MGAT4C: variants seen among roughly 807,000 people sequenced by gnomAD.
MGAT4C encodes the protein MGAT4 family member C, also known as alpha-1,3-mannosyl-glycoprotein 4-beta-N-acetylglucosaminyltransferase C.
A neutral mutation model predicts 40.1 loss-of-function variants in MGAT4C; 19 were observed. That is an observed-to-expected ratio of 0.47 (90% CI 0.33 to 0.70). The LOEUF is 0.70. Ranked by LOEUF, MGAT4C falls within the 30% of genes least tolerant of loss-of-function variation. The pLI is 0.02. For synonymous variants in MGAT4C, 181 were observed against 187.1 expected, an observed-to-expected ratio of 0.97 and a Z score of 0.27; for missense variants, 491 against 563.2, an observed-to-expected ratio of 0.87 and a Z score of 1.30.
At chr12:86,287,768 G>C (rs1953391513) in intron 4 of MGAT4C, among the ~76,000 whole-genome samples, 1 of 152,160 alleles carries the variant, frequency 6.6e-6, no homozygotes, top group East Asian at 1.9e-4. Flanking sequence ...ATTTGGGTTG[G>C]TTCTAAATCT....
intron 3 of MGAT4C, among the ~76,000 whole-genome samples, chr12:85,988,670 A>G (rs992932333): frequency 9.9e-5 from 15 of 152,136 alleles, no homozygotes; most frequent in African/African-American, 3.4e-4. Context: ...TCAGACATGA[A>G]ATGATGTGAT....
At chr12:86,043,408 A>G (rs1413649547) in intron 2 of MGAT4C, among the ~76,000 whole-genome samples, 1 of 152,106 alleles carries the variant, frequency 6.6e-6, no homozygotes, top group African/African-American at 2.4e-5. Context: ...AAGAGTCTAA[A>G]AGCTGAAGAA....
rs73379443 is a variant in MGAT4C, at chr12:86,111,907, G to A, written c.-56-62184C>T. Among the ~76,000 whole-genome samples, 974 of 151,924 alleles carry A rather than the reference G, an allele frequency of 6.4e-3. 6 individuals are homozygous for A. The highest frequency in any genetic ancestry group is 0.023 in the African/African-American group (937 of 41,522). ...AAGACAGCCACCTGGGGCTGAATGT[G>A]TATCACCAGTCATTTCAATAATGCA... On this transcript the variant is annotated intron_variant, in intron 1 of 4. Coordinates refer to ENST00000611864, the MANE Select transcript of MGAT4C (RefSeq NM_001351288.2).
chr12:86,499,409 A>G (rs902567309), intron 2 of MGAT4C, among the ~76,000 whole-genome samples: 98 of 151,984 alleles, frequency 6.4e-4, no homozygotes, highest in African/African-American at 2.0e-3. Flanking sequence ...ACTGAAGGTA[A>G]AACTGCTATA....
chr12:86,626,615 A>C (rs770100798), intron 2 of MGAT4C, among the ~76,000 whole-genome samples: 3 of 152,184 alleles, frequency 2.0e-5, no homozygotes, highest in African/African-American at 4.8e-5. Context: ...TATTTAGGCA[A>C]ATTTTTGAAA....
rs1450538148 is a variant in MGAT4C at position 86,715,423 on chromosome 12, A to T, written c.-229+11786T>A. On this transcript the variant is annotated intron_variant, in intron 2 of 7. Coordinates refer to the MGAT4C transcript ENST00000548651. ...GCTGTTGGTTATGCTCTGTTTCTTG[A>T]TCTGGGTGCTGATTATATTATTGTT... 3.9e-5 allele frequency among the ~76,000 whole-genome samples: 6 copies of T among 152,186 alleles called. No individual in the cohort carries two copies. The East Asian group carries it at 1.2e-3, about 29-fold the overall frequency.
intron 1 of MGAT4C, among the ~76,000 whole-genome samples, chr12:86,198,829 A>G (rs1949924164): frequency 6.6e-6 from 1 of 152,128 alleles, no homozygotes; most frequent in Non-Finnish European, 1.5e-5. Context: ...CCAAGGGTCT[A>G]CTAAAGAGTA....
chr12:86,667,110 AC>A (rs1218700747), intron 2 of MGAT4C, among the ~76,000 whole-genome samples: 1 of 152,214 alleles, frequency 6.6e-6, no homozygotes, highest in African/African-American at 2.4e-5. Flanking sequence ...CAGGGCATTT[AC>A]ATATAGTCTA....
chr12:86,044,187 G>T (rs528527328), intron 2 of MGAT4C, among the ~76,000 whole-genome samples: 2 of 152,172 alleles, frequency 1.3e-5, no homozygotes, highest in African/African-American at 4.8e-5. Flanking sequence ...AACTTTGAGG[G>T]AATGATCCCA....
At chr12:86,532,504 C>T (rs2136374334) in intron 2 of MGAT4C, among the ~76,000 whole-genome samples, 1 of 152,000 alleles carries the variant, frequency 6.6e-6, no homozygotes, top group South Asian at 2.1e-4. Flanking sequence ...TAAATTAATG[C>T]AGGTCAAAGG....
intron 4 of MGAT4C, among the ~76,000 whole-genome samples, chr12:86,300,034 A>G (rs1953772317): frequency 6.6e-6 from 1 of 152,190 alleles, no homozygotes; most frequent in Non-Finnish European, 1.5e-5. Flanking sequence ...CTGAATTTCA[A>G]TTTGCTGAGC....
chr12:86,219,037 G>A (rs1250194640), intron 1 of MGAT4C, among the ~76,000 whole-genome samples: 1 of 151,936 alleles, frequency 6.6e-6, no homozygotes, highest in African/African-American at 2.4e-5. Flanking sequence ...AAAATTAGCT[G>A]GGCGTGGTGG....
chr12:86,622,334 A>G (rs1166091671), intron 2 of MGAT4C, among the ~76,000 whole-genome samples: 2 of 152,152 alleles, frequency 1.3e-5, no homozygotes, highest in Middle Eastern at 3.2e-3. Flanking sequence ...AGAGCTCTGT[A>G]TTCAAGCAGA....
Position 85,975,025 on chromosome 12 carries a change from T to C in MGAT4C, c.*4264A>G, listed in dbSNP as rs1188337116. ...TCTTAGAAACTAGGAAATGACTTTA[T>C]GTTTCTTTGTTTTTCAATGTAAATG... On this transcript the variant is annotated 3_prime_UTR_variant, in exon 5 of 5. Coordinates refer to ENST00000611864, the MANE Select transcript of MGAT4C (RefSeq NM_001351288.2). 6.6e-6 allele frequency: 1 copy of C among 150,878 alleles called. No homozygotes were observed. The highest frequency in any genetic ancestry group is 1.9e-4 in the East Asian group (1 of 5,194). 9.3% of individuals were successfully genotyped at this position (150,878 alleles called of 1,614,324 possible). A position where few individuals can be genotyped will look rare whatever the true frequency, so the allele number is the denominator to read the frequency against.
intron 2 of MGAT4C, among the ~76,000 whole-genome samples, chr12:86,699,348 A>C (rs1471450719): frequency 1.3e-5 from 2 of 152,204 alleles, no homozygotes; most frequent in African/African-American, 4.8e-5. Flanking sequence ...AATTAGTTCC[A>C]TGTCTTTGAA....
intron 3 of MGAT4C, among the ~76,000 whole-genome samples, chr12:85,987,116 A>ATTTTTTTT (rs869139864): frequency 1.4e-5 from 1 of 73,830 alleles, no homozygotes; most frequent in African/African-American, 5.7e-5. Flanking sequence ...TAAAATAATA[A>ATTTTTTTT]TTTTTTTTTT....
intron 2 of MGAT4C, among the ~76,000 whole-genome samples, chr12:86,013,293 G>C (rs1001492734): frequency 1.3e-5 from 2 of 151,854 alleles, no homozygotes; most frequent in Non-Finnish European, 2.9e-5. Flanking sequence ...TTGCTCTATC[G>C]CCCAGGCTGG....
chr12:86,313,237 T>C (rs1022619961), intron 4 of MGAT4C, among the ~76,000 whole-genome samples: 1 of 152,192 alleles, frequency 6.6e-6, no homozygotes, highest in Non-Finnish European at 1.5e-5. Context: ...AGGGTACTTT[T>C]AAGTAATCTG....
At chr12:86,161,989 A>T (rs1210315038) in intron 1 of MGAT4C, among the ~76,000 whole-genome samples, 3 of 152,144 alleles carry the variant, frequency 2.0e-5, no homozygotes, top group East Asian at 3.8e-4. Flanking sequence ...TTAAGAAGTA[A>T]AAAACAAGAG....
Sources: gnomAD v4.1 joint callset for allele counts (sites outside exome capture counted in the v4.1 genomes callset) on GRCh38, gnomAD v4.1.1 for gene constraint, MANE v1.5 for transcripts, NCBI Gene and HGNC (gene_info 2026-07-23, HGNC 2026-07-21) for gene names.